Variants in TENM2 observed in about 807,000 individuals in gnomAD.
The protein encoded by TENM2 is teneurin-2.
TENM2 carries 52 observed loss-of-function variants against 245.2 expected under a neutral mutation model. The observed-to-expected ratio is 0.21, with a 90% CI of 0.17 to 0.27. The LOEUF (loss-of-function observed/expected upper bound fraction) is 0.27, where lower values mean the gene tolerates loss of function less well. Among genes scored for constraint, TENM2 ranks in the 10% least tolerant of loss-of-function variants. The pLI is 1.00. For synonymous variants in TENM2, 1,363 were observed against 1,438.9 expected (o/e 0.95, Z 1.19); for missense variants, 3,046 against 3,666.8 (o/e 0.83, Z 4.37).
intron 2 of TENM2, among the ~76,000 whole-genome samples, chr5:167,675,565 C>T (rs1483581915): frequency 2.6e-5 from 4 of 152,064 alleles, no homozygotes; most frequent in Non-Finnish European, 5.9e-5. Context: ...CAACTATTTA[C>T]AGAAACTTTG....
At chr5:167,362,013 C>G (rs1250621849) in intron 1 of TENM2, among the ~76,000 whole-genome samples, 1 of 152,194 alleles carries the variant, frequency 6.6e-6, no homozygotes, top group Non-Finnish European at 1.5e-5. Context: ...CTTCTGCCTT[C>G]TATTCTTGAA....
At chr5:167,837,991 T>C (rs1053254240) in intron 2 of TENM2, among the ~76,000 whole-genome samples, 1 of 152,218 alleles carries the variant, frequency 6.6e-6, no homozygotes, top group South Asian at 2.1e-4. Flanking sequence ...GTGAATCCCT[T>C]TGTGCATCCC....
At chr5:166,979,029 G>T in the TENM2 span, among the ~76,000 whole-genome samples, 1 of 151,966 alleles carries the variant, frequency 6.6e-6, no homozygotes, top group Admixed American at 6.5e-5. Flanking sequence ...GAGCGCGTGT[G>T]TGCGCGCGAG....
intron 7 of TENM2, 29 bp from the exon 10 acceptor site, chr5:168,090,545 A>G (rs1398419402): frequency 1.8e-5 from 29 of 1,601,048 alleles, no homozygotes; most frequent in Non-Finnish European, 2.5e-5. Context: ...ACCTTGTCTC[A>G]TGCATGGTAC....
the TENM2 span, among the ~76,000 whole-genome samples, chr5:167,224,616 TA>T: frequency 1.3e-5 from 2 of 152,206 alleles, no homozygotes; most frequent in South Asian, 4.1e-4. Context: ...GGGAGCCTGG[TA>T]GTGTGATGTC....
At chr5:167,434,051 C>G (rs1297566472) in intron 2 of TENM2, among the ~76,000 whole-genome samples, 1 of 152,010 alleles carries the variant, frequency 6.6e-6, no homozygotes, top group Non-Finnish European at 1.5e-5. Context: ...TAATAAACAG[C>G]TTACATTTCA....
At chr5:167,163,656 G>A in the TENM2 span, among the ~76,000 whole-genome samples, 1 of 152,000 alleles carries the variant, frequency 6.6e-6, no homozygotes, top group African/African-American at 2.4e-5. Context: ...TCTTCCATGG[G>A]GACTGCTGAT....
At chr5:168,117,834 CCAA>C (rs1013179273) in intron 9 of TENM2, among the ~76,000 whole-genome samples, 1 of 152,122 alleles carries the variant, frequency 6.6e-6, no homozygotes, top group Non-Finnish European at 1.5e-5. Context: ...ATCTCCAATA[CCAA>C]CAACAGAACA....
intron 2 of TENM2, among the ~76,000 whole-genome samples, chr5:167,477,001 T>G (rs1767428720): frequency 6.6e-6 from 1 of 152,166 alleles, no homozygotes; most frequent in Admixed American, 6.5e-5. Context: ...GAGATTATTT[T>G]AGATAAAAAT....
the TENM2 span, among the ~76,000 whole-genome samples, chr5:167,006,708 C>A: frequency 6.6e-6 from 1 of 151,262 alleles, no homozygotes; most frequent in Admixed American, 6.6e-5. Context: ...CTCTTGTTGC[C>A]CAGGTTGGTG....
intron 2 of TENM2, among the ~76,000 whole-genome samples, chr5:167,390,053 C>T (rs922138246): frequency 2.6e-5 from 4 of 152,106 alleles, no homozygotes; most frequent in African/African-American, 4.8e-5. Flanking sequence ...TCCTATTGTA[C>T]CTTATTGTTT....
the TENM2 span, among the ~76,000 whole-genome samples, chr5:167,217,748 A>G: frequency 6.7e-6 from 1 of 149,046 alleles, no homozygotes; most frequent in African/African-American, 2.4e-5. Context: ...TATATGTGAT[A>G]TGTGAGACAG....
At chr5:167,433,077 C>A (rs1250567611) in intron 2 of TENM2, among the ~76,000 whole-genome samples, 1 of 151,820 alleles carries the variant, frequency 6.6e-6, no homozygotes, top group Admixed American at 6.6e-5. Context: ...TGTTGTTTCA[C>A]TTCCCAAAGT....
intron 2 of TENM2, among the ~76,000 whole-genome samples, chr5:167,685,150 A>G (rs7725107): frequency 0.44 from 67,111 of 152,112 alleles, 16,760 homozygotes; most frequent in East Asian, 0.91. Flanking sequence ...GAATGGTGGA[A>G]TGTTTGTATC....
At chr5:167,249,043 C>T in the TENM2 span, among the ~76,000 whole-genome samples, 4 of 152,080 alleles carry the variant, frequency 2.6e-5, no homozygotes, top group Admixed American at 6.6e-5. Flanking sequence ...TATGTCTAGG[C>T]AGCTTATACC....
intron 2 of TENM2, among the ~76,000 whole-genome samples, chr5:167,823,162 T>G (rs1368039065): frequency 1.3e-5 from 2 of 151,662 alleles, no homozygotes; most frequent in Admixed American, 6.6e-5. Context: ...ATGGGAAATT[T>G]CCCTTTTTTT....
chr5:167,445,336 T>TG (rs1554154176), intron 2 of TENM2, among the ~76,000 whole-genome samples: 2 of 77,308 alleles, frequency 2.6e-5, no homozygotes, highest in South Asian at 5.3e-4. Context: ...TATATATATA[T>TG]AGAGAGAGAG....
At chr5:167,872,532 GAA>G (rs1222189502) in intron 2 of TENM2, among the ~76,000 whole-genome samples, 7 of 51,014 alleles carry the variant, frequency 1.4e-4, no homozygotes, top group Middle Eastern at 7.5e-3. Context: ...AAGAAAGAAA[GAA>G]AGAAAGAAAG....
intron 2 of TENM2, among the ~76,000 whole-genome samples, chr5:167,408,674 C>G (rs139871853): frequency 6.6e-6 from 1 of 151,706 alleles, no homozygotes; most frequent in Non-Finnish European, 1.5e-5. Context: ...TTAATAATAG[C>G]AAGCTTATTG....
Sources: allele counts gnomAD v4.1 joint callset (sites outside exome capture counted in the v4.1 genomes callset), GRCh38; gene constraint gnomAD v4.1.1; transcripts MANE v1.5; gene names NCBI Gene and HGNC (gene_info 2026-07-23, HGNC 2026-07-21).